The following TNIP1 variants were observed in gnomAD, a reference collection of about 807,000 sequenced individuals.
TNIP1 encodes the protein TNFAIP3-interacting protein 1.
In TNIP1, 22 loss-of-function variants were observed where a neutral mutation model predicts 86.6. The observed-to-expected ratio is 0.25, with a 90% CI of 0.18 to 0.36. The LOEUF (loss-of-function observed/expected upper bound fraction) is 0.36. TNIP1 is among the 10% of genes least tolerant of loss of function. The probability of loss-of-function intolerance (pLI) is 1.00; values close to 1 mark genes in which losing one functional copy is unlikely to be tolerated. For missense variants in TNIP1, 709 were observed against 820.6 expected (o/e 0.86, Z 1.66); for synonymous variants, 294 against 313.0 (o/e 0.94, Z 0.64).
At chr5:151,061,927 G>C (rs1198814246) in intron 4 of TNIP1, among the ~76,000 whole-genome samples, 200 bp downstream of exon 4, 1 of 152,208 alleles carries the variant, frequency 6.6e-6, no homozygotes, top group East Asian at 1.9e-4. Context: ...GGTCTTCCTG[G>C]TAAGTTTTAA....
At chr5:151,064,413 G>A (rs778610927) in intron 2 of TNIP1, among the ~76,000 whole-genome samples, 3 of 152,216 alleles carry the variant, frequency 2.0e-5, no homozygotes, top group Non-Finnish European at 4.4e-5. Flanking sequence ...CTTGTCTGGA[G>A]GAGAAGGGGG....
At chr5:151,038,468 G>GGCTAAGCTGGGACTAGACCACTCC (rs1757989199) in intron 12 of TNIP1, among the ~76,000 whole-genome samples, 1 of 152,188 alleles carries the variant, frequency 6.6e-6, no homozygotes. Flanking sequence ...AGGCTGGAGA[G>GGCTAAGCTGGGACTAGACCACTCC]GCTAAGCTGG....
intron 1 of TNIP1, among the ~76,000 whole-genome samples, chr5:151,065,788 T>C (rs1762154156): frequency 6.6e-6 from 1 of 152,244 alleles, no homozygotes; most frequent in South Asian, 2.1e-4. Flanking sequence ...TTTAATACAC[T>C]GTCACCCTCC....
At chr5:151,060,035 T>A (rs766597196) in intron 5 of TNIP1, among the ~76,000 whole-genome samples, 1 of 152,120 alleles carries the variant, frequency 6.6e-6, no homozygotes, top group Non-Finnish European at 1.5e-5. Context: ...TGAGTCATAG[T>A]GTGCGGAGGT....
intron 2 of TNIP1, 104 bp from the exon 3 acceptor site, chr5:151,063,851 T>C: frequency 7.0e-7 from 1 of 1,438,690 alleles, no homozygotes; most frequent in Non-Finnish European, 9.4e-7. Context: ...CTTCTGAGGC[T>C]CCAGGCCCTG....
At chr5:151,085,669 T>G (rs1209002494), upstream of TNIP1, among the ~76,000 whole-genome samples, 2 of 152,142 alleles carry the variant, frequency 1.3e-5, no homozygotes, top group East Asian at 3.9e-4. Flanking sequence ...CTAGGAGCCC[T>G]GGGTCTCCCC....
chr5:151,030,246 C>A lies in TNIP1; in HGVS notation c.*467G>T. 2.3e-6 allele frequency: 1 copy of A among 434,658 alleles called. No individual in the cohort carries two copies. The highest frequency in any genetic ancestry group is 4.7e-6 in the Non-Finnish European group (1 of 212,410). The allele number at this position is 434,658 out of a possible 1,614,324, so 26.9% of individuals were successfully genotyped here. A position where few individuals can be genotyped will look rare whatever the true frequency, so the allele number is the denominator to read the frequency against. ...CAAACCCACACTTCCCACAGCTCCT[C>A]ACAGAGGGGTAGGGGTGTGCGTGGG... On this transcript the variant is annotated 3_prime_UTR_variant, in exon 18 of 18. Transcript: ENST00000521591.
intron 8 of TNIP1, 74 bp downstream of exon 8, chr5:151,049,750 G>C: frequency 6.4e-7 from 1 of 1,561,812 alleles, no homozygotes; most frequent in South Asian, 1.1e-5. Context: ...GAGGCTCACT[G>C]TCACTGGAGG....
chr5:151,059,818 A>AGT, intron 5 of TNIP1, among the ~76,000 whole-genome samples: 1 of 103,046 alleles, frequency 9.7e-6, no homozygotes, highest in East Asian at 4.6e-4. Flanking sequence ...AGAGAGAGAG[A>AGT]GAGAGAGAGA....
rs2113292932 is a variant in TNIP1 at position 151,035,690 on chromosome 5, C to T, written c.1413G>A (p.Glu471=). The part of the protein sequence containing the change: ...LLKQQVKIFE[E]DFQRERSDRE... ...GATCACTGCGCTCCCTCTGGAAGTCCTCCTCGAAGATCTTCACCTGGTGTG... is the reference window on the plus strand; with the variant it reads ...GATCACTGCGCTCCCTCTGGAAGTCTTCCTCGAAGATCTTCACCTGGTGTG... Residue 471 remains glutamate, a synonymous_variant, in exon 14 of 18, where the codon GAG becomes GAA. Transcript: ENST00000521591. 1 of 1,614,092 alleles carries T rather than the reference C, an allele frequency of 6.2e-7. No individual in the cohort carries two copies. Among genetic ancestry groups the T allele is most frequent in the Non-Finnish European group, 8.5e-7 (1 of 1,180,014 alleles).
chr5:151,083,445 G>A (rs754516343), upstream of TNIP1, among the ~76,000 whole-genome samples: 4 of 152,168 alleles, frequency 2.6e-5, no homozygotes, highest in Non-Finnish European at 5.9e-5. Flanking sequence ...GCCTCTAGGA[G>A]CATGGCAGGA....
intron 15 of TNIP1, among the ~76,000 whole-genome samples, chr5:151,034,109 GT>G (rs1183937348): frequency 6.7e-6 from 1 of 150,228 alleles, no homozygotes; most frequent in East Asian, 2.0e-4. Flanking sequence ...TGGAAGGCTA[GT>G]ACATGGGCAC....
rs760581285 is a variant in TNIP1 at position 151,030,669 on chromosome 5, T to C, written c.*44A>G. ...AGTTTCTTGGCAATCTGAGATCAGC[T>C]GGCTCTGCAAGATGAAGGTGGAGCC... is the stretch of plus-strand genomic sequence containing the variant. On this transcript the variant is annotated 3_prime_UTR_variant, in exon 18 of 18. Transcript: ENST00000521591. 6.2e-7 allele frequency: 1 copy of C among 1,614,006 alleles called. No homozygotes were observed. Among genetic ancestry groups the C allele is most frequent in the Non-Finnish European group, 8.5e-7 (1 of 1,179,916 alleles).
Position 151,030,548 on chromosome 5 carries a change from G to A in TNIP1, c.*165C>T. 2 of 1,144,346 alleles carry A rather than the reference G, an allele frequency of 1.7e-6. No individual in the cohort carries two copies. The highest frequency in any genetic ancestry group is 2.5e-6 in the Non-Finnish European group (2 of 793,248). The allele number at this position is 1,144,346 out of a possible 1,614,324, so 70.9% of individuals were successfully genotyped here. A position where few individuals can be genotyped will look rare whatever the true frequency, so the allele number is the denominator to read the frequency against. On this transcript the variant is annotated 3_prime_UTR_variant, in exon 18 of 18. Transcript: ENST00000521591. ...TTCTGGGTGGAGCCTCCCCAGTCCT[G>A]TAAACAGCTCAGTTCAGGGACTGGT...
At chr5:151,059,889 G>T (rs1561514276) in intron 5 of TNIP1, among the ~76,000 whole-genome samples, 1 of 147,336 alleles carries the variant, frequency 6.8e-6, no homozygotes. Context: ...GCGCATGCGT[G>T]TAAGTGGAAA....
intron 7 of TNIP1, 32 bp from the exon 8 acceptor site, chr5:151,049,979 G>C (rs1759693930): frequency 8.1e-6 from 13 of 1,613,104 alleles, no homozygotes; most frequent in Non-Finnish European, 9.3e-6. Flanking sequence ...AAATCACAAT[G>C]CTGACCCTGA....
intron 1 of TNIP1, among the ~76,000 whole-genome samples, chr5:151,079,495 G>A (rs563929027): frequency 1.3e-5 from 2 of 152,224 alleles, no homozygotes; most frequent in South Asian, 2.1e-4. Context: ...ATGGTGGCGA[G>A]TGCCTGTAAT....
intron 6 of TNIP1, among the ~76,000 whole-genome samples, chr5:151,052,721 G>A (rs1328959434): frequency 2.0e-5 from 3 of 152,230 alleles, no homozygotes; most frequent in Non-Finnish European, 2.9e-5. Context: ...CTCAGCACCT[G>A]TGGCAGATAA....
intron 1 of TNIP1, among the ~76,000 whole-genome samples, chr5:151,074,653 G>T (rs937181633): frequency 1.1e-4 from 16 of 152,214 alleles, no homozygotes; most frequent in African/African-American, 3.4e-4. Context: ...GAAAGCCAAA[G>T]ATGCCTTGTG....
Sources: gnomAD v4.1 joint callset for allele counts (sites outside exome capture counted in the v4.1 genomes callset) on GRCh38, gnomAD v4.1.1 for gene constraint, MANE v1.5 for transcripts, NCBI Gene and HGNC (gene_info 2026-07-23, HGNC 2026-07-21) for gene names.